Variants in TMEM263 observed in about 807,000 individuals in gnomAD.
The protein encoded by TMEM263 is UPF0444 transmembrane protein C12orf23.
Under a neutral mutation model 8.6 loss-of-function variants are expected in TMEM263, and 5 were observed. The observed-to-expected ratio is 0.58, with a 90% CI of 0.31 to 1.23. TMEM263 has a LOEUF of 1.23. Among genes scored for constraint, TMEM263 ranks in the 50% most tolerant of loss-of-function variants. TMEM263 has a pLI of 0.07. For missense variants in TMEM263, 104 were observed against 138.8 expected, an observed-to-expected ratio of 0.75 and a Z score of 1.26; for synonymous variants, 50 against 47.9, an observed-to-expected ratio of 1.04 and a Z score of -0.18.
In TMEM263 at chr12:106,955,992, C is replaced by A. The variant is rs1951682109; in HGVS notation, c.-148C>A. 2 of 986,498 alleles carry A rather than the reference C, an allele frequency of 2.0e-6. No homozygotes were observed. Among genetic ancestry groups the A allele is most frequent in the Admixed American group, 6.1e-5 (1 of 16,294 alleles). The allele number at this position is 986,498 out of a possible 1,614,324, so 61.1% of individuals were successfully genotyped here. ...TGCCGGCCGCCGCTGCCGCCCAGGC[C>A]GCCTCAGCTCTCCTCTGCGCCGGCC... is the stretch of plus-strand genomic sequence containing the variant. On this transcript the variant is annotated 5_prime_UTR_variant, in exon 1 of 4. Transcript: ENST00000280756.
intron 3 of TMEM263, among the ~76,000 whole-genome samples, chr12:106,968,671 G>A (rs1449230426): frequency 6.6e-6 from 1 of 152,154 alleles, no homozygotes; most frequent in African/African-American, 2.4e-5. Context: ...AATTTATATG[G>A]TGATAATTAA....
At chr12:106,967,032 A>G (rs1289558496) in intron 2 of TMEM263, 79 bp from the exon 3 acceptor site, 1 of 897,402 alleles carries the variant, frequency 1.1e-6, no homozygotes, top group Non-Finnish European at 1.8e-6. Flanking sequence ...TGTTGATGAA[A>G]TCGCAATTTA....
intron 2 of TMEM263, among the ~76,000 whole-genome samples, chr12:106,964,803 A>T (rs544981917): frequency 5.9e-5 from 9 of 152,222 alleles, no homozygotes; most frequent in Non-Finnish European, 1.2e-4. Flanking sequence ...AATTCCATGA[A>T]GTTAAAATCA....
chr12:106,971,528 T>A lies in TMEM263; in HGVS notation c.*137T>A. On this transcript the variant is annotated 3_prime_UTR_variant, in exon 4 of 4. Transcript: ENST00000280756. ...TGTGTTGAAAGTATTGATGACTGGC[T>A]TTCATCTAAAAAGAAGAGACCAATA... The A allele has an allele frequency of 2.2e-6, 2 of 908,306 alleles. No individual in the cohort carries two copies. Among genetic ancestry groups the A allele is most frequent in the Non-Finnish European group, 3.2e-6 (2 of 620,222 alleles). The allele number at this position is 908,306 out of a possible 1,614,324, so 56.3% of individuals were successfully genotyped here.
rs1195020022 is a variant in TMEM263 at position 106,963,321 on chromosome 12, C to T, written c.-6-3790C>T. Among the ~76,000 whole-genome samples, 4 of 152,022 alleles carry T rather than the reference C, an allele frequency of 2.6e-5. 1 individual carries two copies. Among genetic ancestry groups the T allele is most frequent in the African/African-American group, 2.4e-5 (1 of 41,378 alleles). ...AGAACAAAGGTGGAAGCTCGGAGAC[C>T]CATTCAGAGATTTTGCAGTAGTACA... On this transcript the variant is annotated intron_variant, in intron 2 of 3. Coordinates refer to ENST00000280756, the MANE Select transcript of TMEM263 (RefSeq NM_152261.4).
intron 3 of TMEM263, 44 bp from the exon 4 acceptor site, chr12:106,971,061 T>G (rs1301109433): frequency 1.3e-6 from 2 of 1,597,152 alleles, no homozygotes; most frequent in Admixed American, 3.4e-5. Context: ...TTTTAAAGAC[T>G]TGTGACTTAT....
intron 2 of TMEM263, among the ~76,000 whole-genome samples, chr12:106,963,741 T>C (rs1397821283): frequency 6.6e-6 from 1 of 152,240 alleles, no homozygotes; most frequent in African/African-American, 2.4e-5. Context: ...TCTTATGCTC[T>C]CATAAAGCAG....
At chr12:106,959,133 G>T (rs1593462070) in intron 2 of TMEM263, 1 of 152,300 alleles carries the variant, frequency 6.6e-6, no homozygotes, top group South Asian at 2.1e-4. Flanking sequence ...CGCATAGTAG[G>T]GCTCAAGTAT....
intron 2 of TMEM263, among the ~76,000 whole-genome samples, chr12:106,962,170 A>G (rs1470660037): frequency 6.6e-6 from 1 of 152,194 alleles, no homozygotes; most frequent in African/African-American, 2.4e-5. Flanking sequence ...TGCTATGTAT[A>G]CTACTTCATG....
intron 2 of TMEM263, among the ~76,000 whole-genome samples, chr12:106,957,399 A>G (rs1443459322): frequency 2.0e-5 from 3 of 152,140 alleles, no homozygotes; most frequent in Non-Finnish European, 4.4e-5. Context: ...GTTAGAAATT[A>G]TAACGGTTGC....
chr12:106,970,840 A>G (rs779163985), intron 3 of TMEM263, among the ~76,000 whole-genome samples: 5 of 152,262 alleles, frequency 3.3e-5, no homozygotes, highest in Non-Finnish European at 7.3e-5. Context: ...CATTTAAAAT[A>G]GGATTCTGTT....
At chr12:106,969,597 G>T (rs1951891597) in intron 3 of TMEM263, among the ~76,000 whole-genome samples, 1 of 151,904 alleles carries the variant, frequency 6.6e-6, no homozygotes, top group South Asian at 2.1e-4. Flanking sequence ...GTGGTGGTGG[G>T]CACCTGTAAT....
chr12:106,956,177 GC>G, intron 1 of TMEM263, 112 bp downstream of exon 1: 1 of 489,816 alleles, frequency 2.0e-6, no homozygotes, highest in Non-Finnish European at 2.7e-6. Flanking sequence ...CGGCCTGGCT[GC>G]CCAGCGGGGC....
intron 3 of TMEM263, 38 bp downstream of exon 3, chr12:106,967,218 T>C: frequency 8.4e-7 from 1 of 1,197,528 alleles, no homozygotes; most frequent in East Asian, 2.4e-5. Context: ...TGGAAAAATA[T>C]ACTGAATTAA....
rs1279194213 is a variant in TMEM263 at position 106,957,106 on chromosome 12, G to A, written c.-50G>A. 1.0e-6 allele frequency: 1 copy of A among 985,604 alleles called. No homozygotes were observed. Among genetic ancestry groups the A allele is most frequent in the Non-Finnish European group, 1.2e-6 (1 of 830,106 alleles). The allele number at this position is 985,604 out of a possible 1,614,324, so 61.1% of individuals were successfully genotyped here. A position where few individuals can be genotyped will look rare whatever the true frequency, so the allele number is the denominator to read the frequency against. On this transcript the variant is annotated 5_prime_UTR_variant, in exon 2 of 4. It adds an upstream start codon to the 5' untranslated region. Transcript: ENST00000280756. ...GCCTTTGAAACTTCTGCTGGTGTGA[G>A]TGCCCTCAGGGGTTCCCCAGGAATA...
At position 106,971,341 on chromosome 12, in the gene TMEM263, G is replaced by C. The variant is rs1446828031; in HGVS notation, c.301G>C (p.Val101Leu). 1 of 1,613,890 alleles carries C rather than the reference G, an allele frequency of 6.2e-7. No individual in the cohort carries two copies. Among genetic ancestry groups the C allele is most frequent in the South Asian group, 1.1e-5 (1 of 91,032 alleles). The change falls in exon 4 of 4, where the codon GTT becomes CTT. Residue 101 changes from valine to leucine, a missense_variant. Physicochemically the swap from Val to Leu is conservative, Grantham distance 32. Transcript: ENST00000280756. ...AGGTGTTACAGCTGTTGGGTCTGCT[G>C]TTGTAAACAAAGTGCCCTTAACAGG... Reference protein sequence around the residue: ...AGGVTAVGSAVVNKVPLTGKK... With the variant: ...AGGVTAVGSALVNKVPLTGKK...
At chr12:106,961,641 A>C (rs930719225) in intron 2 of TMEM263, among the ~76,000 whole-genome samples, 6 of 152,210 alleles carry the variant, frequency 3.9e-5, no homozygotes, top group African/African-American at 1.4e-4. Flanking sequence ...TAAATATAAA[A>C]ATGCCTATAT....
intron 2 of TMEM263, among the ~76,000 whole-genome samples, chr12:106,966,768 A>C (rs1398047804): frequency 6.6e-6 from 1 of 152,208 alleles, no homozygotes; most frequent in African/African-American, 2.4e-5. Flanking sequence ...GGAGGAAACA[A>C]CATTTTTGTC....
intron 2 of TMEM263, among the ~76,000 whole-genome samples, chr12:106,963,264 T>C (rs1951802319): frequency 6.6e-6 from 1 of 152,086 alleles, no homozygotes; most frequent in Non-Finnish European, 1.5e-5. Context: ...TGGAGGATAT[T>C]AAACAGAGTA....
Sources: gnomAD v4.1 joint callset for allele counts (sites outside exome capture counted in the v4.1 genomes callset) on GRCh38, gnomAD v4.1.1 for gene constraint, MANE v1.5 for transcripts, NCBI Gene and HGNC (gene_info 2026-07-23, HGNC 2026-07-21) for gene names.